ANTXR1: variants seen among roughly 807,000 people sequenced by gnomAD.
The protein encoded by ANTXR1 is ANTXR cell adhesion molecule 1, also known as anthrax toxin receptor 1.
A neutral mutation model predicts 78.1 loss-of-function variants in ANTXR1; 19 were observed. The ratio of observed to expected loss-of-function variants is 0.24; its 90% confidence interval spans 0.17 to 0.36. The LOEUF (loss-of-function observed/expected upper bound fraction) is 0.36. ANTXR1 is among the 10% of genes least tolerant of loss of function. The probability of loss-of-function intolerance (pLI) is 1.00; values close to 1 mark genes in which losing one functional copy is unlikely to be tolerated. For synonymous variants in ANTXR1, 273 were observed against 260.5 expected (o/e 1.05, Z -0.46); for missense variants, 518 against 718.6 (o/e 0.72, Z 3.19).
chr2:69,071,569 A>G (rs114052834), intron 4 of ANTXR1, among the ~76,000 whole-genome samples, 185 bp from the exon 5 acceptor site: 104 of 152,346 alleles, frequency 6.8e-4, no homozygotes, highest in African/African-American at 2.4e-3. Context: ...ACTGTATACT[A>G]CTTAAATGAG....
At chr2:69,146,862 G>T (rs2104423001) in intron 12 of ANTXR1, among the ~76,000 whole-genome samples, 1 of 152,350 alleles carries the variant, frequency 6.6e-6, no homozygotes, top group East Asian at 1.9e-4. Context: ...GGTCTCACCT[G>T]TCCTGGCCAC....
intron 14 of ANTXR1, among the ~76,000 whole-genome samples, chr2:69,181,467 T>C (rs909281217): frequency 1.3e-5 from 2 of 152,184 alleles, no homozygotes; most frequent in African/African-American, 2.4e-5. Flanking sequence ...GGGCTGAAGA[T>C]GTAAAGTCAC....
intron 2 of ANTXR1, among the ~76,000 whole-genome samples, chr2:69,043,397 T>A (rs1355793143): frequency 2.6e-5 from 4 of 152,190 alleles, no homozygotes; most frequent in Non-Finnish European, 5.9e-5. Context: ...TGGTAAGAAC[T>A]CAGTAAGGTT....
At chr2:69,046,253 A>G (rs922392269) in intron 3 of ANTXR1, among the ~76,000 whole-genome samples, 47 of 152,174 alleles carry the variant, frequency 3.1e-4, no homozygotes, top group African/African-American at 1.1e-3. Context: ...CCAGGTTCAC[A>G]CATCACTTGC....
At chr2:69,142,179 A>C (rs1173007279) in intron 12 of ANTXR1, among the ~76,000 whole-genome samples, 1 of 152,224 alleles carries the variant, frequency 6.6e-6, no homozygotes, top group Non-Finnish European at 1.5e-5. Flanking sequence ...AGGTTGATGC[A>C]GCCATTAACA....
chr2:69,089,445 T>C (rs1671157222), intron 8 of ANTXR1, among the ~76,000 whole-genome samples: 1 of 152,252 alleles, frequency 6.6e-6, no homozygotes, highest in African/African-American at 2.4e-5. Flanking sequence ...TCATAAATAT[T>C]GGCTGTCCTT....
chr2:69,062,016 A>G (rs1185835410), intron 3 of ANTXR1, among the ~76,000 whole-genome samples: 1 of 152,228 alleles, frequency 6.6e-6, no homozygotes, highest in Non-Finnish European at 1.5e-5. Flanking sequence ...TAACTGAATT[A>G]GAGAGAAACA....
intron 1 of ANTXR1, among the ~76,000 whole-genome samples, chr2:69,039,165 A>G (rs1669539338): frequency 6.6e-6 from 1 of 152,190 alleles, no homozygotes; most frequent in Non-Finnish European, 1.5e-5. Context: ...CTTAGGTGAA[A>G]GGGAGGAGGC....
intron 17 of ANTXR1, among the ~76,000 whole-genome samples, chr2:69,194,804 G>C (rs1264867807): frequency 6.6e-6 from 1 of 151,060 alleles, no homozygotes; most frequent in South Asian, 2.1e-4. Flanking sequence ...AGTGAGCCGA[G>C]ATCGCACCAC....
At chr2:69,120,114 G>A (rs954776093) in intron 10 of ANTXR1, among the ~76,000 whole-genome samples, 1 of 152,172 alleles carries the variant, frequency 6.6e-6, no homozygotes, top group Non-Finnish European at 1.5e-5. Context: ...CCTTAAACAT[G>A]TTCGAAACAC....
chr2:69,041,394 G>A (rs923033310), intron 2 of ANTXR1, among the ~76,000 whole-genome samples: 12 of 152,094 alleles, frequency 7.9e-5, no homozygotes, highest in South Asian at 2.1e-4. Flanking sequence ...TTCTTCACTC[G>A]CAGCCATTGG....
rs1326816356 is a variant in ANTXR1, at chr2:69,113,782, A to G, written c.803-9235A>G. Among the ~76,000 whole-genome samples, 5 of 152,252 alleles carry G rather than the reference A, an allele frequency of 3.3e-5. No homozygotes were observed. The East Asian group carries it at 5.8e-4, about 18-fold the overall frequency. The stretch of plus-strand genomic sequence containing the variant: ...GTGTCAGGAGACACATACCTTGTGC[A>G]TGAATCCTGAATTATCCTCTACCAA... On this transcript the variant is annotated intron_variant, in intron 10 of 17. Transcript: ENST00000303714.
intron 4 of ANTXR1, among the ~76,000 whole-genome samples, chr2:69,070,958 G>T (rs1364428808): frequency 6.6e-6 from 1 of 152,194 alleles, no homozygotes; most frequent in African/African-American, 2.4e-5. Context: ...GTTAGCTAAT[G>T]GTTGGCTGGC....
intron 13 of ANTXR1, among the ~76,000 whole-genome samples, chr2:69,156,916 G>A (rs1258872506): frequency 2.6e-5 from 4 of 152,186 alleles, no homozygotes. Flanking sequence ...GTGGGAACAC[G>A]GATCCAACCC....
chr2:69,103,869 G>A (rs190377559), intron 10 of ANTXR1: 1 of 152,682 alleles, frequency 6.5e-6, no homozygotes, highest in Admixed American at 6.5e-5. Context: ...GGTAAAGAGA[G>A]CAAGGAGGAC....
At chr2:69,162,472 G>C (rs1022899710) in intron 13 of ANTXR1, among the ~76,000 whole-genome samples, 2 of 152,166 alleles carry the variant, frequency 1.3e-5, no homozygotes, top group Admixed American at 6.5e-5. Context: ...GAAAAAGTTT[G>C]GAAATGCTTA....
chr2:69,110,586 C>T (rs1231503049), intron 10 of ANTXR1, among the ~76,000 whole-genome samples: 2 of 151,992 alleles, frequency 1.3e-5, no homozygotes, highest in Admixed American at 1.3e-4. Flanking sequence ...AGGCCGGGCG[C>T]GGTGGCTCAC....
chr2:69,014,841 T>C (rs1670974568), intron 1 of ANTXR1, among the ~76,000 whole-genome samples: 1 of 152,196 alleles, frequency 6.6e-6, no homozygotes, highest in African/African-American at 2.4e-5. Context: ...GTAAAGGCTG[T>C]TTTGAACTCC....
chr2:69,220,233 G>C (rs1370241463), intron 17 of ANTXR1, among the ~76,000 whole-genome samples: 2 of 152,304 alleles, frequency 1.3e-5, no homozygotes, highest in East Asian at 3.9e-4. Context: ...TTGTGGCTCA[G>C]ATTTTCCACC....
Sources: gnomAD v4.1 joint callset for allele counts (sites outside exome capture counted in the v4.1 genomes callset) on GRCh38, gnomAD v4.1.1 for gene constraint, MANE v1.5 for transcripts, NCBI Gene and HGNC (gene_info 2026-07-23, HGNC 2026-07-21) for gene names.